Variants in STIM1 observed in about 807,000 individuals in gnomAD.
STIM1 encodes stromal interaction molecule 1.
A neutral mutation model predicts 74.7 loss-of-function variants in STIM1; 25 were observed. The ratio of observed to expected loss-of-function variants is 0.33; its 90% CI spans 0.24 to 0.47. STIM1 has a LOEUF of 0.47. Ranked by LOEUF, STIM1 falls within the 20% of genes least tolerant of loss-of-function variation. STIM1 has a pLI of 1.00. For synonymous variants in STIM1, 328 were observed against 348.8 expected (o/e 0.94, Z 0.66); for missense variants, 728 against 920.8 (o/e 0.79, Z 2.71).
chr11:3,886,178 A>C (rs2091697108), intron 1 of STIM1, among the ~76,000 whole-genome samples: 1 of 152,246 alleles, frequency 6.6e-6, no homozygotes, highest in Non-Finnish European at 1.5e-5. Context: ...GTGCTAAACC[A>C]TTTGGCTTGA....
At chr11:4,000,685 T>G (rs1311943255) in intron 2 of STIM1, among the ~76,000 whole-genome samples, 1 of 152,128 alleles carries the variant, frequency 6.6e-6, no homozygotes, top group African/African-American at 2.4e-5. Context: ...GCGCCTCTCC[T>G]CCTCCAAAGG....
At chr11:3,912,586 G>A (rs1472048542) in intron 1 of STIM1, among the ~76,000 whole-genome samples, 1 of 152,078 alleles carries the variant, frequency 6.6e-6, no homozygotes, top group Non-Finnish European at 1.5e-5. Context: ...GGCTGTTCTT[G>A]AACTCCTGAC....
intron 1 of STIM1, among the ~76,000 whole-genome samples, chr11:3,920,119 A>T (rs1219434181): frequency 1.3e-5 from 1 of 76,920 alleles, no homozygotes; most frequent in Non-Finnish European, 2.9e-5. Context: ...TATTATTTTG[A>T]AGTGTACAAT....
At chr11:4,026,373 C>G (rs1465180236) in intron 3 of STIM1, among the ~76,000 whole-genome samples, 2 of 152,220 alleles carry the variant, frequency 1.3e-5, no homozygotes. Flanking sequence ...TGAAAAACTA[C>G]TTTAACATTT....
chr11:4,089,845 G>A (rs1448316390), intron 12 of STIM1, among the ~76,000 whole-genome samples: 11 of 152,142 alleles, frequency 7.2e-5, no homozygotes, highest in Admixed American at 5.9e-4. Context: ...GCTAGCAGAC[G>A]TTTAAACATT....
intron 1 of STIM1, among the ~76,000 whole-genome samples, chr11:3,957,180 A>G (rs2093225854): frequency 6.6e-6 from 1 of 152,230 alleles, no homozygotes; most frequent in African/African-American, 2.4e-5. Flanking sequence ...CAAAGTCAGA[A>G]TTGCTGTTGG....
intron 2 of STIM1, among the ~76,000 whole-genome samples, chr11:3,983,552 A>T (rs2093527766): frequency 6.6e-6 from 1 of 152,142 alleles, no homozygotes; most frequent in Non-Finnish European, 1.5e-5. Flanking sequence ...TTACCCATAT[A>T]CCAGGGGCCT....
At chr11:4,012,209 T>G (rs939146558) in intron 2 of STIM1, among the ~76,000 whole-genome samples, 18 of 152,232 alleles carry the variant, frequency 1.2e-4, no homozygotes, top group Non-Finnish European at 1.3e-4. Flanking sequence ...CTATGCGGAC[T>G]CTTTTTTGGT....
chr11:4,045,068 G>A (rs2133020360), intron 3 of STIM1, among the ~76,000 whole-genome samples: 1 of 152,236 alleles, frequency 6.6e-6, no homozygotes, highest in South Asian at 2.1e-4. Flanking sequence ...GGTGTAGGGT[G>A]CTGATAGAGG....
chr11:3,923,234 G>T (rs1433287240), intron 1 of STIM1, among the ~76,000 whole-genome samples: 2 of 151,618 alleles, frequency 1.3e-5, no homozygotes, highest in African/African-American at 4.8e-5. Flanking sequence ...TGATATTTTT[G>T]TGTATGGTGT....
chr11:4,000,366 C>G (rs2093703489), intron 2 of STIM1, among the ~76,000 whole-genome samples: 2 of 151,850 alleles, frequency 1.3e-5, no homozygotes, highest in African/African-American at 4.8e-5. Context: ...CTCACATGGC[C>G]AGGTACTCCT....
chr11:3,895,728 TTCTTTCTTTTTCTTTCTTC>T (rs2092112097), intron 1 of STIM1, among the ~76,000 whole-genome samples: 1 of 39,792 alleles, frequency 2.5e-5, no homozygotes, highest in African/African-American at 1.7e-4. Flanking sequence ...CTTTCTTTCT[TTCTTTCTTTTTCTTTCTTC>T]CTTCCTTCCT....
At chr11:4,037,326 C>T (rs539270076) in intron 3 of STIM1, among the ~76,000 whole-genome samples, 1 of 152,338 alleles carries the variant, frequency 6.6e-6, no homozygotes, top group African/African-American at 2.4e-5. Context: ...ACTGGAATTA[C>T]AGGCGTGAGC....
intron 1 of STIM1, among the ~76,000 whole-genome samples, chr11:3,895,718 C>T (rs1202986237): frequency 3.0e-5 from 1 of 32,938 alleles, no homozygotes; most frequent in Admixed American, 3.3e-4. Context: ...TTCTTTCTTT[C>T]TTTCTTTCTT....
At chr11:4,090,696 G>A (rs1451687020) in intron 12 of STIM1, among the ~76,000 whole-genome samples, 1 of 152,162 alleles carries the variant, frequency 6.6e-6, no homozygotes, top group Non-Finnish European at 1.5e-5. Flanking sequence ...ATGGTGACTC[G>A]GAGCAGGCTG....
chr11:3,975,877 G>T (rs1027082967), intron 2 of STIM1, among the ~76,000 whole-genome samples: 4 of 152,214 alleles, frequency 2.6e-5, no homozygotes, highest in Non-Finnish European at 4.4e-5. Context: ...AGAGCCACTG[G>T]AACTCTTGCT....
chr11:3,992,081 G>GCTTTTTTTTT lies in STIM1; in HGVS notation c.270+24399_270+24400insCTTTTTTTTT, dbSNP rs376329167. ...TTTCTCTGCAGCCTTGCCAACATCT[G>GCTTTTTTTTT]TTTTTTTGTTTTTTTTTTTTTTTTT... On this transcript the variant is annotated intron_variant, in intron 2 of 12. Transcript: ENST00000526596. 4.5e-3 allele frequency among the ~76,000 whole-genome samples: 409 copies of GCTTTTTTTTT among 91,810 alleles called. 24 individuals are homozygous for GCTTTTTTTTT. Among genetic ancestry groups the GCTTTTTTTTT allele is most frequent in the East Asian group, 9.7e-3 (30 of 3,100 alleles). 60.2% of individuals were successfully genotyped at this position (91,810 alleles called of 152,430 possible).
At chr11:4,022,335 CAAAAAAAAA>C (rs60560723) in intron 2 of STIM1, among the ~76,000 whole-genome samples, 1 of 104,988 alleles carries the variant, frequency 9.5e-6, no homozygotes, top group African/African-American at 3.9e-5. Context: ...GAACCTGTCT[CAAAAAAAAA>C]AAAAAAAAAA....
intron 2 of STIM1, among the ~76,000 whole-genome samples, chr11:3,993,548 C>T (rs1372010799): frequency 6.6e-6 from 1 of 152,020 alleles, no homozygotes. Context: ...CTCAGCTACT[C>T]GAGAGGCTCA....
Sources: gnomAD v4.1 joint callset for allele counts (sites outside exome capture counted in the v4.1 genomes callset) on GRCh38, gnomAD v4.1.1 for gene constraint, MANE v1.5 for transcripts, NCBI Gene and HGNC (gene_info 2026-07-23, HGNC 2026-07-21) for gene names.